Variants in SNTG1 observed in about 807,000 individuals in gnomAD.
SNTG1 encodes the protein syntrophin gamma 1.
SNTG1 carries 39 observed loss-of-function variants against 74.7 expected under a neutral mutation model. The ratio of observed to expected loss-of-function variants is 0.52; its 90% CI spans 0.40 to 0.68. The LOEUF (loss-of-function observed/expected upper bound fraction) is 0.68, where lower values mean the gene tolerates loss of function less well. Among genes scored for constraint, SNTG1 ranks in the 30% least tolerant of loss-of-function variants. SNTG1 has a pLI of 0.00. For synonymous variants in SNTG1, 254 were observed against 217.1 expected, an observed-to-expected ratio of 1.17 and a Z score of -1.49; for missense variants, 685 against 609.5, an observed-to-expected ratio of 1.12 and a Z score of -1.30.
At position 50,340,289 on chromosome 8, in the gene SNTG1, G is replaced by T. The variant is rs566539213; in HGVS notation, c.-27-53923G>T. Reference sequence around the variant, plus strand: ...AATAGTGAAGAAGAGCAAAACAGAAGAGCTGAAGAACTGACACTATCTTAT... The same window carrying T: ...AATAGTGAAGAAGAGCAAAACAGAATAGCTGAAGAACTGACACTATCTTAT... On this transcript the variant is annotated intron_variant, in intron 2 of 18. Coordinates refer to ENST00000642720, the MANE Select transcript of SNTG1 (RefSeq NM_018967.5). Among the ~76,000 whole-genome samples, 7 of 152,056 alleles carry T rather than the reference G, an allele frequency of 4.6e-5. No individual in the cohort carries two copies. The East Asian group carries it at 7.7e-4, about 17-fold the overall frequency.
chr8:50,782,928 A>T (rs930111407), intron 18 of SNTG1, among the ~76,000 whole-genome samples: 1 of 152,080 alleles, frequency 6.6e-6, no homozygotes, highest in African/African-American at 2.4e-5. Context: ...AACAGACAGG[A>T]TCCTCTGCTG....
intron 5 of SNTG1, among the ~76,000 whole-genome samples, chr8:50,444,783 C>T: frequency 7.0e-6 from 1 of 143,398 alleles, no homozygotes; most frequent in African/African-American, 2.6e-5. Flanking sequence ...AGATAACAAG[C>T]ATACAGTAAA....
chr8:50,455,616 A>G (rs772721319), intron 8 of SNTG1, among the ~76,000 whole-genome samples: 6 of 152,238 alleles, frequency 3.9e-5, no homozygotes, highest in Non-Finnish European at 8.8e-5. Flanking sequence ...GCCTAAGTCA[A>G]TTTAAAATTT....
chr8:50,115,415 A>G (rs2080773463), intron 1 of SNTG1, among the ~76,000 whole-genome samples: 1 of 151,610 alleles, frequency 6.6e-6, no homozygotes, highest in East Asian at 1.9e-4. Flanking sequence ...AAAATACAAA[A>G]ATTAGCCGAG....
At position 50,248,592 on chromosome 8, in the gene SNTG1, C is replaced by A. The variant is rs142059746; in HGVS notation, c.-28+75957C>A. On this transcript the variant is annotated intron_variant, in intron 2 of 18. Transcript: ENST00000642720. ...ATGATAAATTCTCCAGATTACAAGG[C>A]CTCTCTGGTCTTTGTAACAAGTTTA... 2.2e-3 allele frequency among the ~76,000 whole-genome samples: 333 copies of A among 152,242 alleles called. 2 individuals carry two copies. Among genetic ancestry groups the A allele is most frequent in the African/African-American group, 7.5e-3 (311 of 41,560 alleles).
At chr8:49,944,502 C>T (rs1350572189) in intron 1 of SNTG1, among the ~76,000 whole-genome samples, 4 of 142,020 alleles carry the variant, frequency 2.8e-5, no homozygotes, top group African/African-American at 1.1e-4. Context: ...ACTGCATGTT[C>T]TCACTCATAG....
chr8:50,202,174 T>C (rs951343391), intron 2 of SNTG1, among the ~76,000 whole-genome samples: 4 of 152,174 alleles, frequency 2.6e-5, no homozygotes, highest in Non-Finnish European at 5.9e-5. Context: ...CTGAATTCCT[T>C]CCTGGGATAC....
intron 13 of SNTG1, among the ~76,000 whole-genome samples, chr8:50,655,837 T>C (rs2095176823): frequency 6.6e-6 from 1 of 152,206 alleles, no homozygotes; most frequent in Non-Finnish European, 1.5e-5. Flanking sequence ...TAAGTATTTC[T>C]TTCTTTCTGA....
intron 2 of SNTG1, among the ~76,000 whole-genome samples, chr8:50,372,280 A>G (rs1347933828): frequency 1.3e-5 from 2 of 151,554 alleles, no homozygotes; most frequent in African/African-American, 4.8e-5. Flanking sequence ...TGCATCTTCT[A>G]TAGTTATTTT....
intron 1 of SNTG1, among the ~76,000 whole-genome samples, chr8:50,075,891 C>T (rs1334299017): frequency 6.6e-6 from 1 of 152,044 alleles, no homozygotes; most frequent in Non-Finnish European, 1.5e-5. Context: ...ACTCCGAACA[C>T]GTCAGAACAT....
intron 2 of SNTG1, among the ~76,000 whole-genome samples, chr8:50,175,161 C>T (rs1389656422): frequency 2.0e-5 from 3 of 151,948 alleles, no homozygotes; most frequent in East Asian, 1.9e-4. Flanking sequence ...TGAATAGTGC[C>T]GCAATAAACA....
chr8:50,256,238 A>G (rs2086875663), intron 2 of SNTG1, among the ~76,000 whole-genome samples: 1 of 152,010 alleles, frequency 6.6e-6, no homozygotes, highest in African/African-American at 2.4e-5. Flanking sequence ...TCTTTGTAAC[A>G]CCCACAGGGC....
intron 18 of SNTG1, chr8:50,762,837 C>T: frequency 2.6e-6 from 1 of 390,844 alleles, no homozygotes; most frequent in Admixed American, 2.7e-5. Flanking sequence ...AATGAAGGTT[C>T]CTGCTCCGAA....
At chr8:50,551,395 A>C (rs1363026496) in intron 11 of SNTG1, among the ~76,000 whole-genome samples, 1 of 152,326 alleles carries the variant, frequency 6.6e-6, no homozygotes, top group African/African-American at 2.4e-5. Flanking sequence ...CATAGATTGA[A>C]GATTTGATCT....
intron 13 of SNTG1, among the ~76,000 whole-genome samples, chr8:50,596,258 AAT>A (rs1422829781): frequency 6.6e-6 from 1 of 151,916 alleles, no homozygotes; most frequent in African/African-American, 2.4e-5. Flanking sequence ...TTCTTTTGTG[AAT>A]TATCTCTTCA....
chr8:49,920,335 C>A (rs1806419653), intron 1 of SNTG1, among the ~76,000 whole-genome samples: 1 of 152,022 alleles, frequency 6.6e-6, no homozygotes. Context: ...CACAGCAGGA[C>A]TAGGAAGCTG....
chr8:50,613,534 T>A (rs530324942), intron 13 of SNTG1, among the ~76,000 whole-genome samples: 1 of 152,322 alleles, frequency 6.6e-6, no homozygotes, highest in Admixed American at 6.5e-5. Context: ...CTCTTTCATA[T>A]TCTAATGAAT....
chr8:50,247,868 AC>A (rs2086470791), intron 2 of SNTG1, among the ~76,000 whole-genome samples: 1 of 151,634 alleles, frequency 6.6e-6, no homozygotes, highest in Non-Finnish European at 1.5e-5. Flanking sequence ...CTTTTTGAAG[AC>A]CCTTTGTATT....
intron 17 of SNTG1, among the ~76,000 whole-genome samples, chr8:50,744,462 G>C (rs1414018115): frequency 6.6e-6 from 1 of 151,960 alleles, no homozygotes; most frequent in Non-Finnish European, 1.5e-5. Context: ...TTTATGAATT[G>C]AAAGACATAT....
Sources: allele counts gnomAD v4.1 joint callset (sites outside exome capture counted in the v4.1 genomes callset), GRCh38; gene constraint gnomAD v4.1.1; transcripts MANE v1.5; gene names NCBI Gene and HGNC (gene_info 2026-07-23, HGNC 2026-07-21).